The following TCERG1L variants were observed in gnomAD, a reference collection of about 807,000 sequenced individuals.
TCERG1L encodes transcription elongation regulator 1-like protein.
In TCERG1L, 37 loss-of-function variants were observed where a neutral mutation model predicts 56.3. The ratio of observed to expected loss-of-function variants is 0.66; its 90% CI spans 0.51 to 0.87. TCERG1L has a LOEUF of 0.87. Ranked by LOEUF, TCERG1L falls within the 40% of genes least tolerant of loss-of-function variation. The pLI, the probability that TCERG1L is intolerant of heterozygous loss-of-function variation, is 0.00. For synonymous variants in TCERG1L, 324 were observed against 326.3 expected (o/e 0.99, Z 0.08); for missense variants, 799 against 774.2 (o/e 1.03, Z -0.38).
In TCERG1L at chr10:131,268,382, G is replaced by C. The variant is rs564448168; in HGVS notation, c.671-7938C>G. On this transcript the variant is annotated intron_variant, in intron 3 of 11. Transcript: ENST00000368642. The stretch of plus-strand genomic sequence containing the variant: ...CCCAGGCTTTGCTGTTCCATTTATA[G>C]CACACAGGCAGAGTAGATTTAGCAT... Among the ~76,000 whole-genome samples the C allele has an allele frequency of 5.9e-5, 9 of 152,314 alleles. No individual in the cohort carries two copies. In the South Asian group the frequency reaches 1.9e-3, roughly 32 times the overall value.
intron 4 of TCERG1L, among the ~76,000 whole-genome samples, chr10:131,233,220 G>C (rs1052613541): frequency 6.6e-6 from 1 of 152,206 alleles, no homozygotes; most frequent in Non-Finnish European, 1.5e-5. Context: ...AGGAAGAAAG[G>C]AGGGAGTGAG....
At chr10:131,131,228 T>C (rs1446242811) in intron 8 of TCERG1L, among the ~76,000 whole-genome samples, 1 of 152,110 alleles carries the variant, frequency 6.6e-6, no homozygotes. Flanking sequence ...ACTGCAGTGA[T>C]ACCACTCAGC....
At chr10:131,163,610 G>A (rs1483973963) in intron 5 of TCERG1L, among the ~76,000 whole-genome samples, 1 of 152,188 alleles carries the variant, frequency 6.6e-6, no homozygotes. Flanking sequence ...ACAGCATTTA[G>A]TGGCAGAGAG....
chr10:131,309,367 A>C (rs1166356106), intron 1 of TCERG1L, 68 bp from the exon 2 acceptor site: 6 of 1,534,728 alleles, frequency 3.9e-6, no homozygotes. Flanking sequence ...ATGCCAAAAC[A>C]TGCTGGAATA....
intron 6 of TCERG1L, among the ~76,000 whole-genome samples, chr10:131,153,480 G>A (rs1339938120): frequency 6.6e-6 from 1 of 152,198 alleles, no homozygotes; most frequent in African/African-American, 2.4e-5. Flanking sequence ...GCTCCAGGCG[G>A]CCCTATCCAC....
At position 131,260,213 on chromosome 10, in the gene TCERG1L, G is replaced by T. The variant is rs191564685; in HGVS notation, c.856+46C>A. On this transcript the variant is annotated intron_variant, in intron 4 of 11. Coordinates refer to ENST00000368642, the MANE Select transcript of TCERG1L (RefSeq NM_174937.4). The surrounding 1 kb of genome is among the most constrained non-coding windows in gnomAD (Gnocchi z 5.8). The stretch of plus-strand genomic sequence containing the variant: ...GCATCTAACCAGGAAGCCTCCGCGC[G>T]CTCGCTAAGGCAGCACCAGGCGTCG... 26 of 1,313,852 alleles carry T rather than the reference G, an allele frequency of 2.0e-5. No homozygotes were observed. The African/African-American group carries it at 3.0e-4, about 15-fold the overall frequency. 81.4% of individuals were successfully genotyped at this position (1,313,852 alleles called of 1,614,324 possible).
chr10:131,245,810 A>G (rs372979853), intron 4 of TCERG1L, among the ~76,000 whole-genome samples: 2 of 152,186 alleles, frequency 1.3e-5, no homozygotes, highest in South Asian at 2.1e-4. Flanking sequence ...TTTGTATCAG[A>G]GCTCTGTGGG....
rs990133667 is a variant in TCERG1L, at chr10:131,267,087, G to A, written c.671-6643C>T. 3.3e-5 allele frequency among the ~76,000 whole-genome samples: 5 copies of A among 152,120 alleles called. No individual in the cohort carries two copies. The highest frequency in any genetic ancestry group is 2.6e-4 in the Admixed American group (4 of 15,274). ...GGAACCCACTCCTTCACACCCAGGA[G>A]CCCGTCTGCCTCCTGCCACCACTCA... is the stretch of plus-strand genomic sequence containing the variant. On this transcript the variant is annotated intron_variant, in intron 3 of 11. Coordinates refer to ENST00000368642, the MANE Select transcript of TCERG1L (RefSeq NM_174937.4). This position sits in a 1 kb window ranked among gnomAD's most constrained non-coding sequence, Gnocchi z 4.9.
In TCERG1L at chr10:131,230,922, G is replaced by A. The variant is rs538630324; in HGVS notation, c.856+29337C>T. 2.6e-4 allele frequency among the ~76,000 whole-genome samples: 40 copies of A among 152,088 alleles called. No homozygotes were observed. In the South Asian group the frequency reaches 4.8e-3, roughly 18 times the overall value. On this transcript the variant is annotated intron_variant, in intron 4 of 11. Transcript: ENST00000368642. ...CACAAAGGGGCCTCTGCAGGGTGCCGTGCCAGAGCTAGTGATAGACTTCGT... is the reference window on the plus strand; with the variant it reads ...CACAAAGGGGCCTCTGCAGGGTGCCATGCCAGAGCTAGTGATAGACTTCGT...
chr10:131,225,065 C>T (rs1845777668), intron 4 of TCERG1L, among the ~76,000 whole-genome samples: 1 of 152,138 alleles, frequency 6.6e-6, no homozygotes, highest in African/African-American at 2.4e-5. Flanking sequence ...TGAGTATTGT[C>T]TCGTTTTGCA....
chr10:131,300,212 C>G (rs1206912039), intron 3 of TCERG1L, among the ~76,000 whole-genome samples: 2 of 152,076 alleles, frequency 1.3e-5, no homozygotes, highest in African/African-American at 4.8e-5. Flanking sequence ...TCAATTTCAG[C>G]TTTTTCTTGT....
At chr10:131,161,641 C>T (rs1845977801) in intron 6 of TCERG1L, 1 of 151,768 alleles carries the variant, frequency 6.6e-6, no homozygotes, top group Admixed American at 6.6e-5. Context: ...TTCAGGACCC[C>T]TGAGTAGCTT....
intron 9 of TCERG1L, among the ~76,000 whole-genome samples, chr10:131,116,150 G>A (rs1330487172): frequency 6.6e-6 from 1 of 152,178 alleles, no homozygotes; most frequent in Non-Finnish European, 1.5e-5. Context: ...GCCAAAGCAG[G>A]AAATGATAGT....
chr10:131,308,623 T>G (rs1846842148), intron 2 of TCERG1L, among the ~76,000 whole-genome samples: 1 of 152,220 alleles, frequency 6.6e-6, no homozygotes, highest in African/African-American at 2.4e-5. Flanking sequence ...ACTTGGTCAC[T>G]TCAGCCCAGC....
intron 2 of TCERG1L, 89 bp from the exon 3 acceptor site, chr10:131,308,480 G>A (rs1008147738): frequency 2.9e-5 from 32 of 1,118,588 alleles, no homozygotes; most frequent in African/African-American, 7.8e-5. Flanking sequence ...GTTGCCTTAC[G>A]TTGATCCAAC....
intron 9 of TCERG1L, among the ~76,000 whole-genome samples, chr10:131,115,897 AG>A: frequency 6.6e-6 from 1 of 152,144 alleles, no homozygotes. Flanking sequence ...TCCCCATGGC[AG>A]CTCCACCCCT....
At chr10:131,124,420 G>C (rs544039803) in intron 8 of TCERG1L, among the ~76,000 whole-genome samples, 1 of 152,200 alleles carries the variant, frequency 6.6e-6, no homozygotes, top group Admixed American at 6.5e-5. Flanking sequence ...CCTTCGGAGC[G>C]ATGCTTCTGG....
At chr10:131,128,071 TAA>T (rs1292441643) in intron 8 of TCERG1L, among the ~76,000 whole-genome samples, 1 of 151,782 alleles carries the variant, frequency 6.6e-6, no homozygotes, top group Non-Finnish European at 1.5e-5. Flanking sequence ...TTAAAATGAG[TAA>T]AAAAGAATAT....
At chr10:131,275,290 A>C (rs1846379974) in intron 3 of TCERG1L, among the ~76,000 whole-genome samples, 1 of 152,180 alleles carries the variant, frequency 6.6e-6, no homozygotes, top group African/African-American at 2.4e-5. Context: ...CAGAATGTCT[A>C]ATCGAGTCAC....
Sources: allele counts gnomAD v4.1 joint callset (sites outside exome capture counted in the v4.1 genomes callset), GRCh38; gene constraint gnomAD v4.1.1; non-coding constraint Gnocchi (gnomAD v3.1); transcripts MANE v1.5; gene names NCBI Gene and HGNC (gene_info 2026-07-23, HGNC 2026-07-21).